The following DAOA variants were observed in gnomAD, a reference collection of about 807,000 sequenced individuals.
The protein encoded by DAOA is D-amino acid oxidase activator.
Under a neutral mutation model 16.4 loss-of-function variants are expected in DAOA, and 15 were observed. The ratio of observed to expected loss-of-function variants is 0.91; its 90% CI spans 0.61 to 1.41. The LOEUF (loss-of-function observed/expected upper bound fraction) is 1.41, where lower values mean the gene tolerates loss of function less well. Among genes scored for constraint, DAOA ranks in the 40% most tolerant of loss-of-function variants. The pLI, the probability that DAOA is intolerant of heterozygous loss-of-function variation, is 0.00. For synonymous variants in DAOA, 75 were observed against 59.1 expected (o/e 1.27, Z -1.23); for missense variants, 230 against 176.8 (o/e 1.30, Z -1.71).
At chr13:105,472,877 T>A (rs1234001318) in intron 4 of DAOA, among the ~76,000 whole-genome samples, 192 bp downstream of exon 4, 1 of 152,178 alleles carries the variant, frequency 6.6e-6, no homozygotes, top group Non-Finnish European at 1.5e-5. Flanking sequence ...TCCACTGGCT[T>A]CTTCACATTT....
chr13:105,467,727 T>TA (rs1876630283), intron 3 of DAOA: 1 of 126,818 alleles, frequency 7.9e-6, no homozygotes. Flanking sequence ...TAGAAGGTGA[T>TA]CCTTTTTTTT....
chr13:105,474,846 G>A (rs1281534064), intron 4 of DAOA: 1 of 236,240 alleles, frequency 4.2e-6, no homozygotes, highest in Non-Finnish European at 6.9e-6. Flanking sequence ...TTAAGGCTTT[G>A]AAAATGTCAT....
At chr13:105,475,190 A>G (rs1191398106) in intron 4 of DAOA, 4 of 260,664 alleles carry the variant, frequency 1.5e-5, no homozygotes, top group East Asian at 1.8e-4. Context: ...CATTTAATAT[A>G]TCCACTGTGG....
intron 4 of DAOA, among the ~76,000 whole-genome samples, chr13:105,480,023 C>T (rs926925869): frequency 6.6e-6 from 1 of 152,138 alleles, no homozygotes; most frequent in African/African-American, 2.4e-5. Flanking sequence ...ACTCCTTTAT[C>T]TAAAAGTACC....
rs769667041 is a variant in DAOA at position 105,489,762 on chromosome 13, G to A, written c.282-139G>A. 9 of 1,569,984 alleles carry A rather than the reference G, an allele frequency of 5.7e-6. No individual in the cohort carries two copies. In the African/African-American group the frequency reaches 1.1e-4, roughly 19 times the overall value. On this transcript the variant is annotated intron_variant, in intron 4 of 5. Coordinates refer to ENST00000375936, the MANE Select transcript of DAOA (RefSeq NM_172370.5). ...TTGACTTCTTGGTGGTCACACATTTGTATAACCCCTTACCCTTGAATGTGG... is the reference window on the plus strand; with the variant it reads ...TTGACTTCTTGGTGGTCACACATTTATATAACCCCTTACCCTTGAATGTGG...
At chr13:105,466,585 C>G (rs1331518326) in intron 2 of DAOA, among the ~76,000 whole-genome samples, 3 of 152,140 alleles carry the variant, frequency 2.0e-5, no homozygotes, top group African/African-American at 7.2e-5. Context: ...GGAGGAGGAT[C>G]AAAGAGTTTG....
At chr13:105,472,130 G>A (rs1249142222) in intron 3 of DAOA, among the ~76,000 whole-genome samples, 1 of 152,162 alleles carries the variant, frequency 6.6e-6, no homozygotes, top group Non-Finnish European at 1.5e-5. Flanking sequence ...AGGGACGAGA[G>A]GACTATTTCA....
chr13:105,489,779 T>C, intron 4 of DAOA, 122 bp from the exon 5 acceptor site: 1 of 1,601,590 alleles, frequency 6.2e-7, no homozygotes, highest in African/African-American at 1.3e-5. Flanking sequence ...CCCTTACCCT[T>C]GAATGTGGGC....
chr13:105,473,990 T>C (rs1308548909), intron 4 of DAOA, among the ~76,000 whole-genome samples: 3 of 152,152 alleles, frequency 2.0e-5, no homozygotes. Context: ...TGAAGTTTCA[T>C]GCTAGAAGCT....
intron 4 of DAOA, among the ~76,000 whole-genome samples, chr13:105,477,384 T>C (rs1208663838): frequency 6.6e-6 from 1 of 152,206 alleles, no homozygotes; most frequent in Non-Finnish European, 1.5e-5. Context: ...ATATTGGTTA[T>C]AAAAATAATC....
At chr13:105,466,163 T>A in intron 1 of DAOA, 53 bp from the exon 2 acceptor site, 2 of 1,454,354 alleles carry the variant, frequency 1.4e-6, no homozygotes, top group Non-Finnish European at 1.9e-6. Flanking sequence ...CACCCCAAAT[T>A]AGTGGCTTAA....
chr13:105,483,189 T>G (rs940580447), intron 4 of DAOA, among the ~76,000 whole-genome samples: 2 of 152,232 alleles, frequency 1.3e-5, no homozygotes, highest in African/African-American at 4.8e-5. Flanking sequence ...ATAATTATTT[T>G]TAGTCTCATC....
At chr13:105,467,013 A>C (rs72549473) in intron 2 of DAOA, 40 bp from the exon 3 acceptor site, 30 of 1,598,958 alleles carry the variant, frequency 1.9e-5, no homozygotes, top group Non-Finnish European at 2.0e-5. Flanking sequence ...GCAGGGTATA[A>C]AGGAATCTGA....
In DAOA at chr13:105,467,003, G is replaced by C. The variant is rs753667529; in HGVS notation, c.45-50G>C. 7.0e-6 allele frequency: 11 copies of C among 1,576,948 alleles called. 1 individual carries two copies. The highest frequency in any genetic ancestry group is 1.4e-5 in the African/African-American group (1 of 73,738). Reference sequence around the variant, plus strand: ...ATGTTGCTTATTCTTTCTCTCTTCTGCAGGGTATAAAGGAATCTGAACACG... The same window carrying C: ...ATGTTGCTTATTCTTTCTCTCTTCTCCAGGGTATAAAGGAATCTGAACACG... On this transcript the variant is annotated intron_variant, in intron 2 of 5. Coordinates refer to ENST00000375936, the MANE Select transcript of DAOA (RefSeq NM_172370.5).
intron 3 of DAOA, among the ~76,000 whole-genome samples, chr13:105,470,902 T>C (rs534671356): frequency 6.6e-6 from 1 of 152,310 alleles, no homozygotes; most frequent in East Asian, 1.9e-4. Flanking sequence ...GCCATTCTCC[T>C]GCCTCAACCT....
intron 3 of DAOA, among the ~76,000 whole-genome samples, chr13:105,469,551 T>G (rs1876781230): frequency 6.6e-6 from 1 of 152,220 alleles, no homozygotes; most frequent in Non-Finnish European, 1.5e-5. Flanking sequence ...GAGCTTATTA[T>G]AGGGGACTGA....
chr13:105,480,269 G>A (rs1288070465), intron 4 of DAOA, among the ~76,000 whole-genome samples: 1 of 152,016 alleles, frequency 6.6e-6, no homozygotes. Context: ...TTTGAATAAT[G>A]GTAGATTGTG....
chr13:105,486,278 C>T (rs893415210), intron 4 of DAOA, among the ~76,000 whole-genome samples: 1 of 152,092 alleles, frequency 6.6e-6, no homozygotes, highest in Non-Finnish European at 1.5e-5. Context: ...TCAAAGTATT[C>T]TAATCACCCT....
At chr13:105,486,419 C>T (rs1221495660) in intron 4 of DAOA, among the ~76,000 whole-genome samples, 2 of 152,060 alleles carry the variant, frequency 1.3e-5, no homozygotes, top group African/African-American at 2.4e-5. Flanking sequence ...TCCAGAATAT[C>T]TGATAACAAA....
Sources: allele counts gnomAD v4.1 joint callset (sites outside exome capture counted in the v4.1 genomes callset), GRCh38; gene constraint gnomAD v4.1.1; transcripts MANE v1.5; gene names NCBI Gene and HGNC (gene_info 2026-07-23, HGNC 2026-07-21).